KCNJ15: variants seen among roughly 807,000 people sequenced by gnomAD.
KCNJ15 encodes ATP-sensitive inward rectifier potassium channel 15.
KCNJ15 carries 14 observed loss-of-function variants against 23.0 expected under a neutral mutation model. The ratio of observed to expected loss-of-function variants is 0.61; its 90% CI spans 0.40 to 0.95. KCNJ15 has a LOEUF of 0.95. Among genes scored for constraint, KCNJ15 ranks in the 40% least tolerant of loss-of-function variants. KCNJ15 has a pLI of 0.00. For synonymous variants in KCNJ15, 185 were observed against 183.2 expected (o/e 1.01, Z -0.08); for missense variants, 388 against 461.8 (o/e 0.84, Z 1.46).
chr21:38,290,278 T>C (rs1350434706), intron 1 of KCNJ15, among the ~76,000 whole-genome samples: 1 of 152,054 alleles, frequency 6.6e-6, no homozygotes, highest in Non-Finnish European at 1.5e-5. Context: ...TTCTATGAGA[T>C]TAAAAAAAAG....
intron 1 of KCNJ15, among the ~76,000 whole-genome samples, chr21:38,247,215 T>C (rs755604369): frequency 4.9e-4 from 71 of 146,168 alleles, no homozygotes; most frequent in South Asian, 2.1e-4. Flanking sequence ...GGTAGATGGA[T>C]GGATGGATAA....
At chr21:38,285,241 T>A (rs1983767199) in intron 1 of KCNJ15, among the ~76,000 whole-genome samples, 1 of 152,250 alleles carries the variant, frequency 6.6e-6, no homozygotes, top group African/African-American at 2.4e-5. Context: ...TTTTGATAAG[T>A]CGTATTTTAT....
chr21:38,275,048 T>A (rs541127088), intron 1 of KCNJ15, among the ~76,000 whole-genome samples: 10 of 152,292 alleles, frequency 6.6e-5, no homozygotes, highest in Non-Finnish European at 1.5e-4. Context: ...CTGCTTTTCA[T>A]CCAAATCTTC....
At chr21:38,235,335 A>G (rs962931343) in intron 1 of KCNJ15, among the ~76,000 whole-genome samples, 2 of 151,986 alleles carry the variant, frequency 1.3e-5, no homozygotes, top group African/African-American at 2.4e-5. Context: ...TGGTGGATCA[A>G]ATGAGGTCAG....
intron 1 of KCNJ15, among the ~76,000 whole-genome samples, chr21:38,295,566 A>G (rs1985060783): frequency 6.6e-6 from 1 of 152,168 alleles, no homozygotes; most frequent in African/African-American, 2.4e-5. Context: ...TTAATGGGAA[A>G]AAGGTTAAGA....
chr21:38,302,802 C>T lies in KCNJ15; in HGVS notation c.*2413C>T, dbSNP rs964607513. On this transcript the variant is annotated 3_prime_UTR_variant, in exon 3 of 3. Coordinates refer to ENST00000398938, the MANE Select transcript of KCNJ15 (RefSeq NM_170736.3). The stretch of plus-strand genomic sequence containing the variant: ...AGATCCAAAAAAAATTTTGTATTGT[C>T]ATTTAGCATATCAATTTCAGCCAAA... 2 of 152,134 alleles carry T rather than the reference C, an allele frequency of 1.3e-5. No individual in the cohort carries two copies. The highest frequency in any genetic ancestry group is 4.8e-5 in the African/African-American group (2 of 41,438). The allele number at this position is 152,134 out of a possible 1,614,324, so 9.4% of individuals were successfully genotyped here.
intron 1 of KCNJ15, chr21:38,238,304 C>T: frequency 1.4e-6 from 1 of 713,102 alleles, no homozygotes; most frequent in East Asian, 2.8e-5. Flanking sequence ...CACACATACG[C>T]AGTGGCCTGG....
rs200212628 is a variant in KCNJ15 at position 38,302,012 on chromosome 21, GCACACACA to G, written c.*1626_*1633del. On this transcript the variant is annotated 3_prime_UTR_variant, in exon 3 of 3. Coordinates refer to ENST00000398938, the MANE Select transcript of KCNJ15 (RefSeq NM_170736.3). ...CACGCGCGTGCACACACGCACACATGCACACACACATACGCACACGTAAACACATGCAC... is the reference window on the plus strand; with the variant it reads ...CACGCGCGTGCACACACGCACACATGCATACGCACACGTAAACACATGCAC... 1.3e-5 allele frequency: 2 copies of G among 150,744 alleles called. No homozygotes were observed. Among genetic ancestry groups the G allele is most frequent in the African/African-American group, 5.0e-5 (2 of 40,228 alleles). The allele number at this position is 150,744 out of a possible 1,614,324, so 9.3% of individuals were successfully genotyped here.
intron 1 of KCNJ15, among the ~76,000 whole-genome samples, chr21:38,262,169 A>T (rs931828332): frequency 1.3e-5 from 2 of 152,192 alleles, no homozygotes; most frequent in Non-Finnish European, 2.9e-5. Context: ...TAAAGGACAA[A>T]TTTGAAAAGT....
At chr21:38,254,191 C>T (rs1980029938), upstream of KCNJ15, among the ~76,000 whole-genome samples, 1 of 152,178 alleles carries the variant, frequency 6.6e-6, no homozygotes, top group Non-Finnish European at 1.5e-5. Flanking sequence ...GTTGTTAAAG[C>T]ATGCTTAACA....
At chr21:38,290,212 C>A (rs370610405) in intron 1 of KCNJ15, among the ~76,000 whole-genome samples, 1 of 152,256 alleles carries the variant, frequency 6.6e-6, no homozygotes, top group African/African-American at 2.4e-5. Flanking sequence ...AATGAGTCCC[C>A]TGTTGGGCCC....
At chr21:38,286,664 G>C (rs1402234889) in intron 1 of KCNJ15, among the ~76,000 whole-genome samples, 5 of 152,152 alleles carry the variant, frequency 3.3e-5, no homozygotes, top group Non-Finnish European at 7.4e-5. Flanking sequence ...CTGATTCTGT[G>C]ATATTACCAG....
In KCNJ15 at chr21:38,299,783, G is replaced by A. The variant is rs200853224; in HGVS notation, c.522G>A (p.Arg174=). 4.6e-5 allele frequency: 74 copies of A among 1,614,034 alleles called. 1 individual carries two copies. The Admixed American group carries it at 7.3e-4, about 16-fold the overall frequency. ...FLAKIARPKK[R]AETIKFSHCA... ...CCAAAATCGCCAGACCCAAAAAGCG[G>A]GCTGAGACCATCAAGTTCAGCCACT... The change falls in exon 3 of 3, where the codon CGG becomes CGA. Residue 174 remains arginine (R), a synonymous_variant. Transcript: ENST00000398938. The surrounding 1 kb of genome is among the most constrained non-coding windows in gnomAD (Gnocchi z 4.5).
At chr21:38,276,169 T>C (rs1490873975) in intron 1 of KCNJ15, among the ~76,000 whole-genome samples, 1 of 151,926 alleles carries the variant, frequency 6.6e-6, no homozygotes, top group Non-Finnish European at 1.5e-5. Context: ...TATGTATATG[T>C]CATCTCTTAT....
At position 38,304,352 on chromosome 21, in the gene KCNJ15, T is replaced by C. The variant is rs1177468502; in HGVS notation, c.*3963T>C. 6.7e-6 allele frequency: 1 copy of C among 150,166 alleles called. No homozygotes were observed. The highest frequency in any genetic ancestry group is 2.4e-5 in the African/African-American group (1 of 40,930). 9.3% of individuals were successfully genotyped at this position (150,166 alleles called of 1,614,324 possible). On this transcript the variant is annotated 3_prime_UTR_variant, in exon 3 of 3. Transcript: ENST00000398938. ...ACCTATGAGTGAGAACATGCGGTGT[T>C]TGGTTTTCTGTCCTTGAGATAGTTT...
chr21:38,293,766 A>G (rs968548019), intron 1 of KCNJ15, among the ~76,000 whole-genome samples: 4 of 152,252 alleles, frequency 2.6e-5, no homozygotes, highest in Non-Finnish European at 5.9e-5. Flanking sequence ...GAATTTCCTC[A>G]GGAGATACAA....
At chr21:38,242,255 G>A (rs1979059363) in intron 1 of KCNJ15, among the ~76,000 whole-genome samples, 1 of 152,162 alleles carries the variant, frequency 6.6e-6, no homozygotes, top group Non-Finnish European at 1.5e-5. Flanking sequence ...CAGGGAACCA[G>A]CAATATGGTA....
chr21:38,262,806 T>G (rs1159173922), intron 1 of KCNJ15, among the ~76,000 whole-genome samples: 2 of 151,894 alleles, frequency 1.3e-5, no homozygotes, highest in Non-Finnish European at 2.9e-5. Flanking sequence ...GTCTCCCAAA[T>G]AGCTGGAATT....
intron 1 of KCNJ15, among the ~76,000 whole-genome samples, chr21:38,273,165 C>T (rs1982283771): frequency 6.6e-6 from 1 of 152,144 alleles, no homozygotes; most frequent in Admixed American, 6.6e-5. Context: ...ATTCAAAAGT[C>T]TTATTGTATA....
Sources: allele counts gnomAD v4.1 joint callset (sites outside exome capture counted in the v4.1 genomes callset), GRCh38; gene constraint gnomAD v4.1.1; non-coding constraint Gnocchi (gnomAD v3.1); transcripts MANE v1.5; gene names NCBI Gene and HGNC (gene_info 2026-07-23, HGNC 2026-07-21).